Variants in ABCA3 observed in about 807,000 individuals in gnomAD.
ABCA3 encodes ATP binding cassette subfamily A member 3.
In ABCA3, 88 loss-of-function variants were observed where a neutral mutation model predicts 172.8. The observed-to-expected ratio is 0.51, with a 90% CI of 0.43 to 0.61. The LOEUF (loss-of-function observed/expected upper bound fraction) is 0.61, where lower values mean the gene tolerates loss of function less well. ABCA3 is among the 20% of genes least tolerant of loss of function. ABCA3 has a pLI of 0.00. For synonymous variants in ABCA3, 1,066 were observed against 983.8 expected (o/e 1.08, Z -1.56); for missense variants, 2,164 against 2,301.0 (o/e 0.94, Z 1.22).
At chr16:2,329,029 T>C (rs993448684) in intron 2 of ABCA3, among the ~76,000 whole-genome samples, 3 of 151,622 alleles carry the variant, frequency 2.0e-5, no homozygotes, top group African/African-American at 7.3e-5. Flanking sequence ...GCTGTTGATA[T>C]CTAATAATAT....
rs891100737 is a variant in ABCA3, at chr16:2,297,610, G to T, written c.2053-71C>A. ...CGGGCCCAGGCTGGCCTTGCGGTAG[G>T]CCCCATCGAGGGGTTCGCGGAGCCG... On this transcript the variant is annotated intron_variant, in intron 16 of 32. Transcript: ENST00000301732. This position sits in a 1 kb window ranked among gnomAD's most constrained non-coding sequence, Gnocchi z 5.6. 6.3e-6 allele frequency: 10 copies of T among 1,596,800 alleles called. No individual in the cohort carries two copies. The highest frequency in any genetic ancestry group is 4.5e-5 in the East Asian group (2 of 44,772).
intron 18 of ABCA3, among the ~76,000 whole-genome samples, chr16:2,294,581 G>A (rs904943867): frequency 2.0e-5 from 3 of 152,084 alleles, no homozygotes; most frequent in Admixed American, 1.3e-4. Flanking sequence ...CCAACTATTC[G>A]GGAGGCTGAG....
In ABCA3 at chr16:2,283,345, C is replaced by G; in HGVS notation, c.3876G>C (p.Gln1292His). 6.2e-7 allele frequency: 1 copy of G among 1,613,030 alleles called. No individual in the cohort carries two copies. ...GGGCGCTCCAGGCATAGAAGTTCTC[C>G]TGGTACTGGATGTCTGTGGGGCGAG... The part of the protein sequence containing the change: ...HYCKKYNIQY[Q>H]ENFYAWSAPG... The change falls in exon 26 of 33, where the codon CAG (glutamine) becomes CAC (histidine). Residue 1292 changes from glutamine to histidine, a missense_variant. Transcript: ENST00000301732. The surrounding 1 kb of genome is among the most constrained non-coding windows in gnomAD (Gnocchi z 5.4).
intron 19 of ABCA3, 107 bp from the exon 20 acceptor site, chr16:2,289,727 G>A (rs1487765020): frequency 4.2e-6 from 5 of 1,178,460 alleles, no homozygotes; most frequent in Non-Finnish European, 4.8e-6. Context: ...GCAGTCCTTG[G>A]CTTGCTCATG....
rs532871921 is a variant in ABCA3, at chr16:2,287,342, C to T, written c.3005-375G>A. ...TCACCCAGGCTGGAGTGCAATGGTG[C>T]GATCTTGGCTCACTGCAGCCTCCAC... On this transcript the variant is annotated intron_variant, in intron 21 of 32. Transcript: ENST00000301732. The surrounding 1 kb of genome is among the most constrained non-coding windows in gnomAD (Gnocchi z 4.1). Among the ~76,000 whole-genome samples, 1 of 151,636 alleles carries T rather than the reference C, an allele frequency of 6.6e-6. No individual in the cohort carries two copies. The highest frequency in any genetic ancestry group is 1.5e-5 in the Non-Finnish European group (1 of 67,938).
At position 2,298,504 on chromosome 16, in the gene ABCA3, C is replaced by CT; in HGVS notation, c.1777dup (p.Ser593LysfsTer4). On this transcript the variant is annotated frameshift_variant, in exon 15 of 33. Coordinates refer to ENST00000301732, the MANE Select transcript of ABCA3 (RefSeq NM_001089.3). LOFTEE classifies it high-confidence loss of function. Reference sequence around the variant, plus strand: ...CATGTCCTGGGAAATTTCATACCCGCTGATGTATGCCCGTCCACTGGTGGG... The same window carrying CT: ...CATGTCCTGGGAAATTTCATACCCGCTTGATGTATGCCCGTCCACTGGTGGG... 1 of 1,614,040 alleles carries CT rather than the reference C, an allele frequency of 6.2e-7. No individual in the cohort carries two copies. Among genetic ancestry groups the CT allele is most frequent in the Non-Finnish European group, 8.5e-7 (1 of 1,180,038 alleles).
At chr16:2,317,541 C>T in intron 9 of ABCA3, 107 bp downstream of exon 9, 1 of 1,581,308 alleles carries the variant, frequency 6.3e-7, no homozygotes. Flanking sequence ...CCATGAGGGA[C>T]AGACTCTCTC....
intron 7 of ABCA3, among the ~76,000 whole-genome samples, chr16:2,320,665 G>A (rs1440618785): frequency 6.6e-6 from 1 of 151,910 alleles, no homozygotes; most frequent in Non-Finnish European, 1.5e-5. Flanking sequence ...TCCCAATGCT[G>A]GGATGACAGG....
Position 2,281,846 on chromosome 16 carries a change from C to A in ABCA3, c.4036-337G>T, listed in dbSNP as rs1295186895. On this transcript the variant is annotated intron_variant, in intron 26 of 32. Coordinates refer to ENST00000301732, the MANE Select transcript of ABCA3 (RefSeq NM_001089.3). This position sits in a 1 kb window ranked among gnomAD's most constrained non-coding sequence, Gnocchi z 4.7. ...TTGAGACAGAGTCTCACTCTGTTGTCCAGGCTGGAGTGCAGTGGCGCAATC... is the reference window on the plus strand; with the variant it reads ...TTGAGACAGAGTCTCACTCTGTTGTACAGGCTGGAGTGCAGTGGCGCAATC... 6.7e-6 allele frequency among the ~76,000 whole-genome samples: 1 copy of A among 150,184 alleles called. No homozygotes were observed. The highest frequency in any genetic ancestry group is 1.5e-5 in the Non-Finnish European group (1 of 67,732).
intron 13 of ABCA3, 30 bp from the exon 14 acceptor site, chr16:2,299,562 T>C (rs1395544210): frequency 2.5e-6 from 4 of 1,610,708 alleles, no homozygotes; most frequent in Non-Finnish European, 3.4e-6. Context: ...TGCCCTGGGC[T>C]ACCCACAGCC....
In ABCA3 at chr16:2,285,431, C is replaced by T; in HGVS notation, c.3483+11G>A. On this transcript the variant is annotated intron_variant, in intron 23 of 32. Coordinates refer to ENST00000301732, the MANE Select transcript of ABCA3 (RefSeq NM_001089.3). This position sits in a 1 kb window ranked among gnomAD's most constrained non-coding sequence, Gnocchi z 4.7. Reference sequence around the variant, plus strand: ...TGCAGGGGAACGGATCCAGCACCCTCCGGCGCTCACCAGCAGCAGCAGACT... The same window carrying T: ...TGCAGGGGAACGGATCCAGCACCCTTCGGCGCTCACCAGCAGCAGCAGACT... The T allele has an allele frequency of 6.2e-7, 1 of 1,601,968 alleles. No individual in the cohort carries two copies. The highest frequency in any genetic ancestry group is 8.5e-7 in the Non-Finnish European group (1 of 1,174,498).
At position 2,277,121 on chromosome 16, in the gene ABCA3, A is replaced by G. The variant is rs1293976208; in HGVS notation, c.4984-316T>C. On this transcript the variant is annotated intron_variant, in intron 32 of 32. Transcript: ENST00000301732. This position sits in a 1 kb window ranked among gnomAD's most constrained non-coding sequence, Gnocchi z 5.3. ...TTTTCCCCCATATTTTTTTAGAGAG[A>G]GTCTTGCTCTGTAGCCCAGGCTGGA... Among the ~76,000 whole-genome samples the G allele has an allele frequency of 6.6e-6, 1 of 151,926 alleles. No homozygotes were observed.
chr16:2,306,317 C>G (rs1567346664), intron 11 of ABCA3, among the ~76,000 whole-genome samples: 1 of 151,884 alleles, frequency 6.6e-6, no homozygotes, highest in Non-Finnish European at 1.5e-5. Flanking sequence ...GGAGTAAGAC[C>G]CTATCTCCAA....
At chr16:2,289,960 A>ATC (rs1567340367) in intron 19 of ABCA3, among the ~76,000 whole-genome samples, 2 of 63,088 alleles carry the variant, frequency 3.2e-5, no homozygotes, top group Non-Finnish European at 3.0e-5. Context: ...TGTGAATTAC[A>ATC]TCACACACAC....
intron 5 of ABCA3, among the ~76,000 whole-genome samples, chr16:2,325,399 C>T (rs534440833): frequency 1.9e-4 from 29 of 152,254 alleles, no homozygotes; most frequent in African/African-American, 6.5e-4. Context: ...CACAGGTGGG[C>T]GGCCAGCCCT....
At position 2,276,766 on chromosome 16, in the gene ABCA3, C is replaced by A. The variant is rs182503361; in HGVS notation, c.5023G>T (p.Val1675Leu). Residue 1675 changes from valine to leucine, a missense_variant, in exon 33 of 33, where the codon GTG (valine) becomes TTG (leucine). Physicochemically the swap from Val to Leu is conservative, Grantham distance 32. This residue lies in a region of ABCA3 where 795 missense variants were observed against 881.9 expected (regional missense o/e 0.90). Coordinates refer to ENST00000301732, the MANE Select transcript of ABCA3 (RefSeq NM_001089.3). The stretch of plus-strand genomic sequence containing the variant: ...ATCTGGCTCACGGAGTAGTCGTCCA[C>A]GCCGTACTTTTCCTTGGCTTTCTCC... The part of the protein sequence containing the change: ...ILEKAKEKYG[V>L]DDYSVSQISL... 2 of 1,613,994 alleles carry A rather than the reference C, an allele frequency of 1.2e-6. No homozygotes were observed. The highest frequency in any genetic ancestry group is 1.7e-6 in the Non-Finnish European group (2 of 1,180,030).
chr16:2,284,863 C>T lies in ABCA3; in HGVS notation c.3619G>A (p.Ala1207Thr). 8.7e-6 allele frequency: 14 copies of T among 1,613,838 alleles called. No individual in the cohort carries two copies. The highest frequency in any genetic ancestry group is 1.2e-5 in the Non-Finnish European group (14 of 1,179,962). ...YLMNFFFLGAATAYTRLTIFN... is the reference protein window; with the variant it reads ...YLMNFFFLGATTAYTRLTIFN... ...ATGGTCAGCCTCGTGTAGGCAGTGGCCGCCCCCAAGAAGAAGAAGTTCATC... is the reference window on the plus strand; with the variant it reads ...ATGGTCAGCCTCGTGTAGGCAGTGGTCGCCCCCAAGAAGAAGAAGTTCATC... Residue 1207 changes from alanine to threonine, a missense_variant, in exon 24 of 33, where the codon GCC becomes ACC. Ala to Thr is a moderately conservative substitution (Grantham distance 58). Coordinates refer to ENST00000301732, the MANE Select transcript of ABCA3 (RefSeq NM_001089.3). The surrounding 1 kb of genome is among the most constrained non-coding windows in gnomAD (Gnocchi z 5.9).
intron 11 of ABCA3, among the ~76,000 whole-genome samples, chr16:2,308,079 T>TA (rs1031102868): frequency 2.6e-5 from 4 of 151,546 alleles, no homozygotes; most frequent in East Asian, 1.9e-4. Flanking sequence ...ATATTTAAAA[T>TA]AAAAAAAAAT....
chr16:2,324,653 C>T, intron 5 of ABCA3, 122 bp from the exon 6 acceptor site: 1 of 1,421,340 alleles, frequency 7.0e-7, no homozygotes, highest in Admixed American at 2.0e-5. Flanking sequence ...GTAAACCCTT[C>T]CTGAGACTCA....
Sources: gnomAD v4.1 joint callset for allele counts (sites outside exome capture counted in the v4.1 genomes callset) on GRCh38, gnomAD v4.1.1 for gene constraint, gnomAD v4.1.1 regional missense constraint, Gnocchi (gnomAD v3.1) non-coding constraint, MANE v1.5 for transcripts, NCBI Gene and HGNC (gene_info 2026-07-23, HGNC 2026-07-21) for gene names.